Variants in LUZP2 observed in about 807,000 individuals in gnomAD.
LUZP2 encodes the protein leucine zipper protein 2.
A neutral mutation model predicts 51.6 loss-of-function variants in LUZP2; 52 were observed. That is an observed-to-expected ratio of 1.01 (90% CI 0.81 to 1.27). The LOEUF is 1.27. Among genes scored for constraint, LUZP2 ranks in the 50% most tolerant of loss-of-function variants. The pLI, the probability that LUZP2 is intolerant of heterozygous loss-of-function variation, is 0.00. For synonymous variants in LUZP2, 154 were observed against 137.3 expected, an observed-to-expected ratio of 1.12 and a Z score of -0.85; for missense variants, 436 against 395.4, an observed-to-expected ratio of 1.10 and a Z score of -0.87.
intron 9 of LUZP2, among the ~76,000 whole-genome samples, chr11:25,006,713 C>G (rs758807714): frequency 6.6e-6 from 1 of 152,168 alleles, no homozygotes; most frequent in African/African-American, 2.4e-5. Context: ...ATCTGGGTCA[C>G]CAAAATATGT....
intron 9 of LUZP2, among the ~76,000 whole-genome samples, chr11:25,016,900 A>C (rs910312504): frequency 2.6e-5 from 4 of 151,630 alleles, no homozygotes; most frequent in African/African-American, 4.8e-5. Context: ...AGCAATGTAT[A>C]AGCATCCCCT....
At chr11:24,531,881 C>T (rs1851011489) in intron 1 of LUZP2, among the ~76,000 whole-genome samples, 1 of 150,892 alleles carries the variant, frequency 6.6e-6, no homozygotes, top group African/African-American at 2.4e-5. Flanking sequence ...CATCATCACC[C>T]TTATATTTAA....
intron 5 of LUZP2, among the ~76,000 whole-genome samples, chr11:24,797,768 T>C (rs1265067335): frequency 2.0e-5 from 3 of 152,170 alleles, no homozygotes; most frequent in Admixed American, 6.6e-5. Context: ...ATGAAACAGC[T>C]GACATAGTTT....
intron 7 of LUZP2, among the ~76,000 whole-genome samples, chr11:24,945,560 A>G (rs547586645): frequency 1.9e-4 from 28 of 144,834 alleles, no homozygotes; most frequent in Admixed American, 1.0e-3. Context: ...TTTCTTTATC[A>G]TCTTATCATC....
At chr11:24,885,553 A>T (rs2134307128) in intron 5 of LUZP2, among the ~76,000 whole-genome samples, 1 of 152,264 alleles carries the variant, frequency 6.6e-6, no homozygotes, top group East Asian at 1.9e-4. Context: ...TTGGAAAGTG[A>T]TATTGTATGG....
intron 1 of LUZP2, among the ~76,000 whole-genome samples, chr11:24,607,886 T>A (rs1193354581): frequency 6.6e-6 from 1 of 152,070 alleles, no homozygotes; most frequent in Non-Finnish European, 1.5e-5. Flanking sequence ...TCTCGCTCTG[T>A]CACCCAGGCT....
intron 1 of LUZP2, among the ~76,000 whole-genome samples, chr11:24,531,271 A>G (rs1850988083): frequency 6.6e-6 from 1 of 150,646 alleles, no homozygotes; most frequent in African/African-American, 2.4e-5. Flanking sequence ...TGTCACTTTT[A>G]TTTTAATTTT....
At chr11:24,849,530 A>C (rs1183147625) in intron 5 of LUZP2, among the ~76,000 whole-genome samples, 1 of 152,108 alleles carries the variant, frequency 6.6e-6, no homozygotes, top group Non-Finnish European at 1.5e-5. Flanking sequence ...TCTATCATTC[A>C]TGGGCATTTG....
chr11:24,791,483 G>A (rs1849407847), intron 5 of LUZP2, among the ~76,000 whole-genome samples: 2 of 152,092 alleles, frequency 1.3e-5, no homozygotes, highest in African/African-American at 4.8e-5. Context: ...ATAAACATAT[G>A]TTAACAATAT....
intron 10 of LUZP2, among the ~76,000 whole-genome samples, chr11:25,069,771 A>G (rs901414694): frequency 3.3e-5 from 5 of 151,968 alleles, no homozygotes; most frequent in South Asian, 2.1e-4. Flanking sequence ...ATAAAACGTT[A>G]GTTCTTTATT....
chr11:24,945,686 G>A (rs1199718356), intron 7 of LUZP2, among the ~76,000 whole-genome samples: 1 of 151,928 alleles, frequency 6.6e-6, no homozygotes, highest in Admixed American at 6.6e-5. Context: ...GATAATAGAG[G>A]TGTTACATTT....
intron 9 of LUZP2, among the ~76,000 whole-genome samples, chr11:25,004,146 A>G (rs548737389): frequency 1.3e-5 from 2 of 152,270 alleles, no homozygotes; most frequent in Admixed American, 6.5e-5. Context: ...CCCTGAGTCC[A>G]GTTGTTGGAT....
At chr11:24,862,229 T>C (rs935540490) in intron 5 of LUZP2, among the ~76,000 whole-genome samples, 1 of 152,056 alleles carries the variant, frequency 6.6e-6, no homozygotes, top group African/African-American at 2.4e-5. Context: ...CCACAAGAGA[T>C]TGGGGACCAA....
rs76924956 is a variant in LUZP2, at chr11:24,992,322, T to G, written c.765+9029T>G. On this transcript the variant is annotated intron_variant, in intron 9 of 11. Transcript: ENST00000336930. The stretch of plus-strand genomic sequence containing the variant: ...GTAGGCAAACATTTATTGTACTCTA[T>G]TTTGGAAAAGATAATTGTGTGTGTA... Among the ~76,000 whole-genome samples, 1,037 of 152,152 alleles carry G rather than the reference T, an allele frequency of 6.8e-3. 33 individuals are homozygous for G. The East Asian group carries it at 0.099, about 14-fold the overall frequency.
intron 7 of LUZP2, among the ~76,000 whole-genome samples, chr11:24,933,964 G>T (rs1315134790): frequency 1.3e-5 from 2 of 152,144 alleles, no homozygotes; most frequent in African/African-American, 4.8e-5. Flanking sequence ...TAAGGGCAAG[G>T]GTTGGGGGGA....
intron 1 of LUZP2, among the ~76,000 whole-genome samples, chr11:24,716,902 A>AT (rs398115167): frequency 6.6e-5 from 10 of 151,866 alleles, no homozygotes; most frequent in Non-Finnish European, 1.0e-4. Flanking sequence ...TCTCAAAAAA[A>AT]TTTTTTTAAT....
At chr11:24,867,222 G>T (rs915017844) in intron 5 of LUZP2, among the ~76,000 whole-genome samples, 2 of 152,054 alleles carry the variant, frequency 1.3e-5, no homozygotes, top group Admixed American at 6.6e-5. Flanking sequence ...TCATCTTACG[G>T]TAAGACAAGA....
chr11:24,636,417 G>C (rs1347868910), intron 1 of LUZP2, among the ~76,000 whole-genome samples: 1 of 152,146 alleles, frequency 6.6e-6, no homozygotes, highest in Non-Finnish European at 1.5e-5. Context: ...AACCTAGACT[G>C]CTTGGGCTCA....
At chr11:24,688,419 T>C (rs143294135) in intron 1 of LUZP2, among the ~76,000 whole-genome samples, 38 of 152,222 alleles carry the variant, frequency 2.5e-4, no homozygotes, top group African/African-American at 8.9e-4. Flanking sequence ...AAGTCAAGAA[T>C]AGCATTCTGT....
Sources: gnomAD v4.1 joint callset for allele counts (sites outside exome capture counted in the v4.1 genomes callset) on GRCh38, gnomAD v4.1.1 for gene constraint, MANE v1.5 for transcripts, NCBI Gene and HGNC (gene_info 2026-07-23, HGNC 2026-07-21) for gene names.